Variants in FSTL3 observed in about 807,000 individuals in gnomAD.
The protein encoded by FSTL3 is follistatin-related protein 3.
Under a neutral mutation model 28.1 loss-of-function variants are expected in FSTL3, and 21 were observed. That is an observed-to-expected ratio of 0.75 (90% confidence interval 0.53 to 1.08). FSTL3 has a LOEUF of 1.08. Ranked by LOEUF, FSTL3 falls within the 50% of genes least tolerant of loss-of-function variation. The pLI is 0.00. For missense variants in FSTL3, 400 were observed against 380.9 expected (o/e 1.05, Z -0.42); for synonymous variants, 199 against 164.2 (o/e 1.21, Z -1.62).
chr19:680,631 T>C, intron 3 of FSTL3, 142 bp downstream of exon 3: 2 of 340,970 alleles, frequency 5.9e-6, no homozygotes, highest in Non-Finnish European at 9.0e-6. Context: ...TCGGGGCTGC[T>C]ACCGCAATGC....
chr19:677,528 G>T (rs1384198198), intron 1 of FSTL3, among the ~76,000 whole-genome samples: 1 of 151,370 alleles, frequency 6.6e-6, no homozygotes, highest in African/African-American at 2.4e-5. Flanking sequence ...GGGCTTGGAG[G>T]GTACGGGAAG....
intron 2 of FSTL3, chr19:680,031 A>T: frequency 9.1e-6 from 1 of 110,058 alleles, no homozygotes; most frequent in Non-Finnish European, 1.7e-5. Flanking sequence ...GCGCGCACCG[A>T]GCCCAGCCCC....
At chr19:679,126 G>A (rs1378116322) in intron 2 of FSTL3, among the ~76,000 whole-genome samples, 1 of 152,066 alleles carries the variant, frequency 6.6e-6, no homozygotes, top group East Asian at 1.9e-4. Context: ...CTGGGAGAAG[G>A]ACAGTCTTCA....
At position 677,915 on chromosome 19, in the gene FSTL3, A is replaced by C; in HGVS notation, c.227A>C (p.His76Pro). 1.2e-6 allele frequency: 2 copies of C among 1,613,472 alleles called. No individual in the cohort carries two copies. The highest frequency in any genetic ancestry group is 1.7e-6 in the Non-Finnish European group (2 of 1,179,974). The stretch of plus-strand genomic sequence containing the variant: ...GACACCGCCTGGTCCAACCTCACCC[A>C]CCCGGGGAACAAGATCAACCTCCTC... ...NIDTAWSNLTHPGNKINLLGF... is the reference protein window; with the variant it reads ...NIDTAWSNLTPPGNKINLLGF... The change falls in exon 2 of 5, where the codon CAC becomes CCC. Residue 76 changes from histidine (H) to proline (P), a missense_variant. Transcript: ENST00000166139.
chr19:681,870 T>C lies in FSTL3; in HGVS notation c.*162T>C, dbSNP rs2031344486. Reference sequence around the variant, plus strand: ...CTCCCTGACGATATCCTGGAAGGACTGAGGAAGGGAGGCCTGGGGGCCGGC... The same window carrying C: ...CTCCCTGACGATATCCTGGAAGGACCGAGGAAGGGAGGCCTGGGGGCCGGC... On this transcript the variant is annotated 3_prime_UTR_variant, in exon 5 of 5. Transcript: ENST00000166139. 2.9e-6 allele frequency: 2 copies of C among 685,846 alleles called. No individual in the cohort carries two copies. Among genetic ancestry groups the C allele is most frequent in the Non-Finnish European group, 5.0e-6 (2 of 401,480 alleles). The allele number at this position is 685,846 out of a possible 1,614,324, so 42.5% of individuals were successfully genotyped here.
chr19:680,079 A>C (rs187130683), intron 2 of FSTL3, 195 bp from the exon 3 acceptor site: 4,698 of 166,272 alleles, frequency 0.028, 246 homozygotes, highest in African/African-American at 0.12. Flanking sequence ...CCTCGGCCCC[A>C]CCGGTCCCGC....
chr19:682,153 T>A lies in FSTL3; in HGVS notation c.*445T>A, dbSNP rs112168163. On this transcript the variant is annotated 3_prime_UTR_variant, in exon 5 of 5. Coordinates refer to ENST00000166139, the MANE Select transcript of FSTL3 (RefSeq NM_005860.3). ...GTGTACGGAGGGTCTAGCCTGGGTG[T>A]GTACGGAGGGTCTAGCCTGGGTGAG... The A allele has an allele frequency of 1.4e-4, 48 of 336,158 alleles. No homozygotes were observed. The highest frequency in any genetic ancestry group is 8.7e-4 in the Middle Eastern group (1 of 1,144). 20.8% of individuals were successfully genotyped at this position (336,158 alleles called of 1,614,324 possible).
chr19:677,125 C>T (rs2031229245), intron 1 of FSTL3, among the ~76,000 whole-genome samples: 1 of 152,168 alleles, frequency 6.6e-6, no homozygotes, highest in Non-Finnish European at 1.5e-5. Flanking sequence ...AACCAGCAAG[C>T]GCTCTGGGAT....
In FSTL3 at chr19:681,738, C is replaced by T. The variant is rs755167536; in HGVS notation, c.*30C>T. Reference sequence around the variant, plus strand: ...GCAGGACAGGCCTGGGCCTGGTGCCCGAGGCCCCCCATCATCCCCTGTTAT... The same window carrying T: ...GCAGGACAGGCCTGGGCCTGGTGCCTGAGGCCCCCCATCATCCCCTGTTAT... On this transcript the variant is annotated 3_prime_UTR_variant, in exon 5 of 5. Coordinates refer to ENST00000166139, the MANE Select transcript of FSTL3 (RefSeq NM_005860.3). 9.1e-6 allele frequency: 14 copies of T among 1,530,870 alleles called. No individual in the cohort carries two copies. The highest frequency in any genetic ancestry group is 2.3e-4 in the Middle Eastern group (1 of 4,398). The allele number at this position is 1,530,870 out of a possible 1,614,324, so 94.8% of individuals were successfully genotyped here.
chr19:681,588 C>T (rs758184758), intron 4 of FSTL3, 28 bp downstream of exon 4: 28 of 1,599,134 alleles, frequency 1.8e-5, no homozygotes, highest in Non-Finnish European at 2.3e-5. Context: ...GGGCACAGGC[C>T]TGTCCTGGGG....
At chr19:678,332 C>A (rs1230288427) in intron 2 of FSTL3, among the ~76,000 whole-genome samples, 1 of 152,186 alleles carries the variant, frequency 6.6e-6, no homozygotes, top group Non-Finnish European at 1.5e-5. Flanking sequence ...CACCAGGGAC[C>A]TTCACTGCAG....
At chr19:680,816 G>T in intron 3 of FSTL3, 1 of 272,916 alleles carries the variant, frequency 3.7e-6, no homozygotes, top group Non-Finnish European at 6.9e-6. Flanking sequence ...TCACGGGGTA[G>T]GGTCTTTTGT....
chr19:680,697 G>A, intron 3 of FSTL3: 1 of 360,976 alleles, frequency 2.8e-6, no homozygotes, highest in Admixed American at 4.7e-5. Context: ...CCTGCTGGAG[G>A]GGCGGGGCCG....
chr19:681,845 C>A lies in FSTL3; in HGVS notation c.*137C>A. 1 of 770,778 alleles carries A rather than the reference C, an allele frequency of 1.3e-6. No individual in the cohort carries two copies. Among genetic ancestry groups the A allele is most frequent in the Non-Finnish European group, 2.2e-6 (1 of 462,022 alleles). 47.7% of individuals were successfully genotyped at this position (770,778 alleles called of 1,614,324 possible). On this transcript the variant is annotated 3_prime_UTR_variant, in exon 5 of 5. Coordinates refer to ENST00000166139, the MANE Select transcript of FSTL3 (RefSeq NM_005860.3). ...TCGGACCACTTGGGGATCCCAGAAC[C>A]TCCCTGACGATATCCTGGAAGGACT...
Position 680,264 on chromosome 19 carries a change from C to A in FSTL3, c.290-10C>A. The A allele has an allele frequency of 7.5e-7, 1 of 1,337,752 alleles. No homozygotes were observed. The highest frequency in any genetic ancestry group is 9.6e-7 in the Non-Finnish European group (1 of 1,044,406). 82.9% of individuals were successfully genotyped at this position (1,337,752 alleles called of 1,614,324 possible). A position where few individuals can be genotyped will look rare whatever the true frequency, so the allele number is the denominator to read the frequency against. On this transcript the variant is annotated splice_polypyrimidine_tract_variant and intron_variant, in intron 2 of 4. Coordinates refer to ENST00000166139, the MANE Select transcript of FSTL3 (RefSeq NM_005860.3). Reference sequence around the variant, plus strand: ...GCGCCCGGCCCCACGCGCGTGTCCTCTGTCCGCAGATTCGTGCGACGGCGT... The same window carrying A: ...GCGCCCGGCCCCACGCGCGTGTCCTATGTCCGCAGATTCGTGCGACGGCGT...
intron 2 of FSTL3, among the ~76,000 whole-genome samples, chr19:679,253 C>T (rs2144798815): frequency 6.6e-6 from 1 of 152,302 alleles, no homozygotes; most frequent in East Asian, 1.9e-4. Context: ...GCCACCCTGG[C>T]CGAGCATTTC....
chr19:677,721 G>A, intron 1 of FSTL3, 71 bp from the exon 2 acceptor site: 2 of 1,408,278 alleles, frequency 1.4e-6, no homozygotes, highest in African/African-American at 2.8e-5. Context: ...CCACCTGCAT[G>A]CATCTGTGGG....
chr19:678,228 G>C, intron 2 of FSTL3: 1 of 532,178 alleles, frequency 1.9e-6, no homozygotes, highest in East Asian at 3.1e-5. Context: ...TCTCTGCCTG[G>C]GTGGCTCTTC....
In FSTL3 at chr19:676,503, T is replaced by C; in HGVS notation, c.80T>C (p.Met27Thr). 3.6e-6 allele frequency: 4 copies of C among 1,121,972 alleles called. No homozygotes were observed. The highest frequency in any genetic ancestry group is 4.4e-6 in the Non-Finnish European group (4 of 918,720). The allele number at this position is 1,121,972 out of a possible 1,614,324, so 69.5% of individuals were successfully genotyped here. A position where few individuals can be genotyped will look rare whatever the true frequency, so the allele number is the denominator to read the frequency against. ...TGGGCCGTGGGCTTCGTGAGCTCCA[T>C]GGGCTCGGGGAACCCCGCGCCCGGT... Reference protein sequence around the residue: ...LAWAVGFVSSMGSGNPAPGGV... With the variant: ...LAWAVGFVSSTGSGNPAPGGV... Residue 27 changes from methionine to threonine, a missense_variant, in exon 1 of 5, where the codon ATG (methionine) becomes ACG (threonine). Physicochemically the swap from Met to Thr is moderately conservative, Grantham distance 81. Coordinates refer to ENST00000166139, the MANE Select transcript of FSTL3 (RefSeq NM_005860.3).
Sources: gnomAD v4.1 joint callset for allele counts (sites outside exome capture counted in the v4.1 genomes callset) on GRCh38, gnomAD v4.1.1 for gene constraint, MANE v1.5 for transcripts, NCBI Gene and HGNC (gene_info 2026-07-23, HGNC 2026-07-21) for gene names.